Variants in DENND1A observed in about 807,000 individuals in gnomAD.
DENND1A encodes the protein DENN domain containing 1A, also known as DENN domain-containing protein 1A.
Under a neutral mutation model 113.7 loss-of-function variants are expected in DENND1A, and 51 were observed. The ratio of observed to expected loss-of-function variants is 0.45; its 90% CI spans 0.36 to 0.57. The LOEUF (loss-of-function observed/expected upper bound fraction) is 0.57, where lower values mean the gene tolerates loss of function less well. DENND1A is among the 20% of genes least tolerant of loss of function. The pLI is 0.00. For missense variants in DENND1A, 1,258 were observed against 1,395.9 expected (o/e 0.90, Z 1.57); for synonymous variants, 565 against 570.8 (o/e 0.99, Z 0.14).
chr9:123,656,845 G>C (rs1028338733), intron 8 of DENND1A, among the ~76,000 whole-genome samples: 2 of 152,210 alleles, frequency 1.3e-5, no homozygotes, highest in Non-Finnish European at 2.9e-5. Context: ...CTAGTTCCCA[G>C]TTTCTGTGCT....
At chr9:123,843,538 T>C in intron 2 of DENND1A, 1 of 250,412 alleles carries the variant, frequency 4.0e-6, no homozygotes, top group Non-Finnish European at 7.9e-6. Context: ...CTTGAAGCAC[T>C]GCCAATACCA....
rs1857761279 is a variant in DENND1A, at chr9:123,930,013, T to G, written c.-108A>C. ...GGCGCTCTCCCCGCCCCTTCCTCCC[T>G]TCCCTCAGGCTGGGGCCCGCCCGCT... is the stretch of plus-strand genomic sequence containing the variant. On this transcript the variant is annotated 5_prime_UTR_variant, in exon 1 of 24. Transcript: ENST00000394215. 1.5e-4 allele frequency: 31 copies of G among 203,734 alleles called. No homozygotes were observed. Among genetic ancestry groups the G allele is most frequent in the East Asian group, 2.1e-4 (2 of 9,316 alleles). The allele number at this position is 203,734 out of a possible 1,614,324, so 12.6% of individuals were successfully genotyped here. A position where few individuals can be genotyped will look rare whatever the true frequency, so the allele number is the denominator to read the frequency against.
rs2066069940 is a variant in DENND1A at position 123,704,589 on chromosome 9, C to G, written c.303-27800G>C. On this transcript the variant is annotated intron_variant, in intron 5 of 23. Transcript: ENST00000394215. ...GAAGCATAGTTGAAATATAAATATA[C>G]TCTAGAGGGATTCAAATTGAGCCAA... 2.0e-5 allele frequency among the ~76,000 whole-genome samples: 3 copies of G among 152,096 alleles called. No homozygotes were observed. In the South Asian group the frequency reaches 6.2e-4, roughly 31 times the overall value.
At chr9:123,864,399 T>A (rs1443879535) in intron 2 of DENND1A, among the ~76,000 whole-genome samples, 1 of 152,150 alleles carries the variant, frequency 6.6e-6, no homozygotes, top group Non-Finnish European at 1.5e-5. Context: ...CAAATTCCCA[T>A]GATTCCAGAC....
intron 13 of DENND1A, among the ~76,000 whole-genome samples, chr9:123,491,523 T>G (rs2133982258): frequency 6.6e-6 from 1 of 152,346 alleles, no homozygotes; most frequent in Admixed American, 6.5e-5. Flanking sequence ...AGTGAGGGTC[T>G]GCCATGAACG....
chr9:123,882,701 G>A (rs749431174), intron 1 of DENND1A, among the ~76,000 whole-genome samples: 7 of 152,070 alleles, frequency 4.6e-5, no homozygotes, highest in Non-Finnish European at 1.0e-4. Flanking sequence ...TGAAGTTCAG[G>A]TTATGTCACT....
At chr9:123,414,214 A>T in intron 19 of DENND1A, 3 of 1,151,336 alleles carry the variant, frequency 2.6e-6, no homozygotes, top group Non-Finnish European at 3.2e-6. Flanking sequence ...TCTGTGAAGT[A>T]CAGGTAACAG....
At chr9:123,615,812 C>G (rs994981204) in intron 10 of DENND1A, among the ~76,000 whole-genome samples, 2 of 152,252 alleles carry the variant, frequency 1.3e-5, no homozygotes, top group Admixed American at 6.5e-5. Flanking sequence ...ATGTGCAGAG[C>G]AGGAAGGGTA....
intron 13 of DENND1A, among the ~76,000 whole-genome samples, chr9:123,531,009 G>C (rs2055251951): frequency 6.6e-6 from 1 of 152,124 alleles, no homozygotes; most frequent in Non-Finnish European, 1.5e-5. Context: ...CAGATAAGTG[G>C]AGACTACTGT....
chr9:123,414,155 G>T, intron 19 of DENND1A: 1 of 1,008,940 alleles, frequency 9.9e-7, no homozygotes, highest in Non-Finnish European at 1.2e-6. Context: ...TTTACTCCCT[G>T]GGTTACTCCA....
intron 5 of DENND1A, among the ~76,000 whole-genome samples, chr9:123,748,004 CAAGT>C (rs2069666374): frequency 6.6e-6 from 1 of 151,698 alleles, no homozygotes; most frequent in Non-Finnish European, 1.5e-5. Context: ...AAAAAAATAC[CAAGT>C]AGTTAGCTGA....
At chr9:123,468,032 C>T (rs968653934) in intron 13 of DENND1A, among the ~76,000 whole-genome samples, 1 of 152,190 alleles carries the variant, frequency 6.6e-6, no homozygotes, top group African/African-American at 2.4e-5. Context: ...CTAAATGTCT[C>T]CACCAACCAC....
intron 1 of DENND1A, among the ~76,000 whole-genome samples, chr9:123,917,183 C>CA (rs771136610): frequency 6.6e-6 from 1 of 151,224 alleles, no homozygotes; most frequent in Non-Finnish European, 1.5e-5. Context: ...GACCCTGTCT[C>CA]AAAAAACAAA....
chr9:123,437,709 G>T (rs2046628861), intron 19 of DENND1A: 1 of 152,178 alleles, frequency 6.6e-6, no homozygotes, highest in Non-Finnish European at 1.5e-5. Flanking sequence ...TTTCCAAGCT[G>T]GTGAAGTGGC....
At chr9:123,653,938 A>C (rs1336273205) in intron 8 of DENND1A, among the ~76,000 whole-genome samples, 1 of 151,976 alleles carries the variant, frequency 6.6e-6, no homozygotes, top group Non-Finnish European at 1.5e-5. Flanking sequence ...GTCTCAGTAG[A>C]CTTCTAAAGG....
chr9:123,729,423 AC>A (rs1254533071), intron 5 of DENND1A, among the ~76,000 whole-genome samples: 2 of 152,238 alleles, frequency 1.3e-5, no homozygotes, highest in Non-Finnish European at 2.9e-5. Flanking sequence ...GTCTCAGGAT[AC>A]AAAATCCACA....
intron 2 of DENND1A, among the ~76,000 whole-genome samples, chr9:123,810,042 A>G (rs1398077074): frequency 6.6e-6 from 1 of 152,174 alleles, no homozygotes; most frequent in African/African-American, 2.4e-5. Context: ...TCGCTTCATT[A>G]TCTGGAGGGG....
Position 123,557,705 on chromosome 9 carries a change from G to C in DENND1A, c.868-10C>G. The stretch of plus-strand genomic sequence containing the variant: ...TCTTCAGGGAAGAGATCTGGTGATG[G>C]AGAGAAGGAAAACACAGGTTGAGGA... On this transcript the variant is annotated splice_polypyrimidine_tract_variant and intron_variant, in intron 12 of 23. Coordinates refer to ENST00000394215, the MANE Select transcript of DENND1A (RefSeq NM_001352964.2). The C allele has an allele frequency of 6.2e-7, 1 of 1,613,404 alleles. No individual in the cohort carries two copies. The highest frequency in any genetic ancestry group is 1.3e-5 in the African/African-American group (1 of 75,054).
At chr9:123,669,361 C>T (rs2063648462) in intron 7 of DENND1A, among the ~76,000 whole-genome samples, 1 of 152,296 alleles carries the variant, frequency 6.6e-6, no homozygotes, top group South Asian at 2.1e-4. Flanking sequence ...AAATAGTGAG[C>T]CAACACAATT....
Sources: gnomAD v4.1 joint callset for allele counts (sites outside exome capture counted in the v4.1 genomes callset) on GRCh38, gnomAD v4.1.1 for gene constraint, MANE v1.5 for transcripts, NCBI Gene and HGNC (gene_info 2026-07-23, HGNC 2026-07-21) for gene names.